LIX1L: variants seen among roughly 807,000 people sequenced by gnomAD.
The protein encoded by LIX1L is limb and CNS expressed 1 like.
A neutral mutation model predicts 34.0 loss-of-function variants in LIX1L; 20 were observed. The observed-to-expected ratio is 0.59, with a 90% CI of 0.41 to 0.85. The LOEUF (loss-of-function observed/expected upper bound fraction) is 0.85. Ranked by LOEUF, LIX1L falls within the 40% of genes least tolerant of loss-of-function variation. The pLI is 0.00. For synonymous variants in LIX1L, 170 were observed against 187.4 expected (o/e 0.91, Z 0.76); for missense variants, 397 against 447.0 (o/e 0.89, Z 1.01).
intron 1 of LIX1L, among the ~76,000 whole-genome samples, chr1:145,954,661 C>T (rs1649409345): frequency 1.3e-5 from 2 of 152,070 alleles, no homozygotes; most frequent in African/African-American, 4.8e-5. Flanking sequence ...TAGAGATTGC[C>T]AGATGTCAAA....
chr1:145,955,196 T>C (rs1180050164), intron 1 of LIX1L, among the ~76,000 whole-genome samples: 1 of 152,190 alleles, frequency 6.6e-6, no homozygotes, highest in Non-Finnish European at 1.5e-5. Context: ...GGTCCTCTGA[T>C]TACAAATCCC....
intron 2 of LIX1L, among the ~76,000 whole-genome samples, chr1:145,946,285 G>A (rs1056286254): frequency 8.8e-5 from 13 of 147,498 alleles, no homozygotes; most frequent in East Asian, 6.1e-4. Flanking sequence ...TGCAATCTCC[G>A]CCTCCAGAGT....
intron 3 of LIX1L, among the ~76,000 whole-genome samples, chr1:145,938,689 G>A (rs1648763970): frequency 6.6e-6 from 1 of 151,696 alleles, no homozygotes; most frequent in South Asian, 2.1e-4. Context: ...CTGGGTTCAA[G>A]TGATTCTCCT....
Position 145,951,198 on chromosome 1 carries a change from C to T in LIX1L, c.293-3416G>A, listed in dbSNP as rs375439048. On this transcript the variant is annotated intron_variant, in intron 1 of 5. Transcript: ENST00000604000. ...AGTAGCTGGGATTATAGGCACATGC[C>T]GCCACGCCTGGCTAATTTTTGTATT... Among the ~76,000 whole-genome samples the T allele has an allele frequency of 8.5e-5, 13 of 152,258 alleles. No homozygotes were observed. The East Asian group carries it at 1.5e-3, about 18-fold the overall frequency.
rs1648648265 is a variant in LIX1L at position 145,936,468 on chromosome 1, T to G, written c.856A>C (p.Ser286Arg). ...MALDWVSREQ[S>R]VPGALSRELA... The stretch of plus-strand genomic sequence containing the variant: ...TCTCTAGACAGTGCCCCCGGCACAC[T>G]CTGCTCCCGGCTCACCCAGTCCAAG... Residue 286 changes from serine to arginine, a missense_variant, in exon 6 of 6, where the codon AGT becomes CGT. Physicochemically the swap from Ser to Arg is moderately radical, Grantham distance 110 (BLOSUM62 -1). Around this residue, in one of 3 missense-constraint regions of LIX1L, gnomAD observed 174 missense variants for 204.0 expected, o/e 0.85. Transcript: ENST00000604000. 1.9e-6 allele frequency: 3 copies of G among 1,614,092 alleles called. No homozygotes were observed. The highest frequency in any genetic ancestry group is 2.2e-5 in the South Asian group (2 of 91,084).
chr1:145,935,338 G>A lies in LIX1L; in HGVS notation c.*972C>T, dbSNP rs1648598146. The A allele has an allele frequency of 6.6e-6, 1 of 152,230 alleles. No individual in the cohort carries two copies. The highest frequency in any genetic ancestry group is 2.1e-4 in the South Asian group (1 of 4,834). The allele number at this position is 152,230 out of a possible 1,614,324, so 9.4% of individuals were successfully genotyped here. On this transcript the variant is annotated 3_prime_UTR_variant, in exon 6 of 6. Transcript: ENST00000604000. ...TTAATGTGGAAGGAGAGGAAAGAAAGAGAAAACAAATGAGAATCTAAGGTA... is the reference window on the plus strand; with the variant it reads ...TTAATGTGGAAGGAGAGGAAAGAAAAAGAAAACAAATGAGAATCTAAGGTA...
intron 3 of LIX1L, among the ~76,000 whole-genome samples, chr1:145,941,444 G>T (rs182235826): frequency 6.6e-6 from 1 of 151,826 alleles, no homozygotes; most frequent in East Asian, 1.9e-4. Flanking sequence ...GTAGAGATGG[G>T]GTTTTGCCAT....
intron 2 of LIX1L, among the ~76,000 whole-genome samples, chr1:145,943,840 A>C (rs1435269740): frequency 6.6e-6 from 1 of 151,660 alleles, no homozygotes; most frequent in Non-Finnish European, 1.5e-5. Flanking sequence ...ATTCAAGAAT[A>C]ACCTGGGCAA....
At chr1:145,953,629 T>C (rs1217136383) in intron 1 of LIX1L, among the ~76,000 whole-genome samples, 1 of 152,186 alleles carries the variant, frequency 6.6e-6, no homozygotes, top group African/African-American at 2.4e-5. Context: ...AATGTCCATG[T>C]CTTAATCCTT....
Position 145,936,150 on chromosome 1 carries a change from G to A in LIX1L, c.*160C>T, listed in dbSNP as rs1553757741. On this transcript the variant is annotated 3_prime_UTR_variant, in exon 6 of 6. Coordinates refer to ENST00000604000, the MANE Select transcript of LIX1L (RefSeq NM_153713.3). The stretch of plus-strand genomic sequence containing the variant: ...ATCCAAAAACTGGTAGTAAGAAAAG[G>A]GATCTCTTAGCAAATAGGAATCTAG... The A allele has an allele frequency of 5.0e-6, 4 of 797,764 alleles. No individual in the cohort carries two copies. Among genetic ancestry groups the A allele is most frequent in the Non-Finnish European group, 7.6e-6 (4 of 529,598 alleles). The allele number at this position is 797,764 out of a possible 1,614,324, so 49.4% of individuals were successfully genotyped here.
At chr1:145,943,306 C>T (rs189609021) in intron 2 of LIX1L, among the ~76,000 whole-genome samples, 5 of 152,324 alleles carry the variant, frequency 3.3e-5, no homozygotes, top group Admixed American at 3.3e-4. Flanking sequence ...GCTGCTTCTA[C>T]AGAGGCCACT....
intron 3 of LIX1L, among the ~76,000 whole-genome samples, 165 bp from the exon 4 acceptor site, chr1:145,937,864 A>G (rs1648722509): frequency 6.6e-6 from 1 of 152,230 alleles, no homozygotes; most frequent in African/African-American, 2.4e-5. Context: ...GCAGTGGCTC[A>G]TGCCTGTAAT....
rs1473306945 is a variant in LIX1L, at chr1:145,933,723, C to G, written c.*2587G>C. 6.6e-6 allele frequency: 1 copy of G among 152,022 alleles called. No individual in the cohort carries two copies. The highest frequency in any genetic ancestry group is 2.4e-5 in the African/African-American group (1 of 41,384). The allele number at this position is 152,022 out of a possible 1,614,324, so 9.4% of individuals were successfully genotyped here. A position where few individuals can be genotyped will look rare whatever the true frequency, so the allele number is the denominator to read the frequency against. ...AAACAGACACACCTGGTGTGTCTAG[C>G]TGTTTTTGCCTTTACTCCAACCCGA... On this transcript the variant is annotated 3_prime_UTR_variant, in exon 6 of 6. Coordinates refer to ENST00000604000, the MANE Select transcript of LIX1L (RefSeq NM_153713.3).
At position 145,957,965 on chromosome 1, in the gene LIX1L, G is replaced by A; in HGVS notation, c.-38C>T. ...TGGAGTAGCGCCCCGGAGCCTGCCA[G>A]CCTGCCGAGCTAACGGTCCCAACCA... is the stretch of plus-strand genomic sequence containing the variant. On this transcript the variant is annotated 5_prime_UTR_variant, in exon 1 of 6. Coordinates refer to ENST00000604000, the MANE Select transcript of LIX1L (RefSeq NM_153713.3). The A allele has an allele frequency of 1.5e-6, 2 of 1,372,824 alleles. No homozygotes were observed. The highest frequency in any genetic ancestry group is 1.5e-5 in the South Asian group (1 of 65,184). 85.0% of individuals were successfully genotyped at this position (1,372,824 alleles called of 1,614,324 possible).
At position 145,948,141 on chromosome 1, in the gene LIX1L, G is replaced by C. The variant is rs1302454988; in HGVS notation, c.293-359C>G. The stretch of plus-strand genomic sequence containing the variant: ...TGTCAGCAGACCATTATCACTGCCT[G>C]ATGAAATACAAGCAGATTATTCCAC... On this transcript the variant is annotated intron_variant, in intron 1 of 5. Transcript: ENST00000604000. This position sits in a 1 kb window ranked among gnomAD's most constrained non-coding sequence, Gnocchi z 4.0. Among the ~76,000 whole-genome samples, 3 of 152,134 alleles carry C rather than the reference G, an allele frequency of 2.0e-5. No individual in the cohort carries two copies. Among genetic ancestry groups the C allele is most frequent in the African/African-American group, 7.2e-5 (3 of 41,422 alleles).
chr1:145,957,864 G>T lies in LIX1L; in HGVS notation c.64C>A (p.Arg22=). 6.8e-7 allele frequency: 1 copy of T among 1,463,336 alleles called. No homozygotes were observed. Among genetic ancestry groups the T allele is most frequent in the Non-Finnish European group, 9.0e-7 (1 of 1,109,740 alleles). The allele number at this position is 1,463,336 out of a possible 1,614,324, so 90.6% of individuals were successfully genotyped here. A position where few individuals can be genotyped will look rare whatever the true frequency, so the allele number is the denominator to read the frequency against. ...CCAGTCACTCCGGGCCGCAGCGCTC[G>T]GAGAGTGCCCCTCCCGCTGGTGCCC... is the stretch of plus-strand genomic sequence containing the variant. The part of the protein sequence containing the change: ...GVGTSGRGTL[R]ALRPGVTGAA... The change falls in exon 1 of 6, where the codon CGA becomes AGA. Residue 22 remains arginine (R), a synonymous_variant. Coordinates refer to ENST00000604000, the MANE Select transcript of LIX1L (RefSeq NM_153713.3).
In LIX1L at chr1:145,942,865, A is replaced by G. The variant is rs1648971322; in HGVS notation, c.457-12T>C. 1 of 1,613,372 alleles carries G rather than the reference A, an allele frequency of 6.2e-7. No individual in the cohort carries two copies. The highest frequency in any genetic ancestry group is 8.5e-7 in the Non-Finnish European group (1 of 1,179,558). On this transcript the variant is annotated splice_polypyrimidine_tract_variant and intron_variant, in intron 2 of 5. Transcript: ENST00000604000. ...TTTGTGGGGCAAAACTAGGCAGGGG[A>G]GAAAGAGTGAGAATATGTGTATTTG...
Position 145,935,211 on chromosome 1 carries a change from T to C in LIX1L, c.*1099A>G, listed in dbSNP as rs1648593465. ...ACACACACACACAAATAACTGATCA[T>C]TGATTCTCTTTCCCTTCCTGCAGTC... On this transcript the variant is annotated 3_prime_UTR_variant, in exon 6 of 6. Coordinates refer to ENST00000604000, the MANE Select transcript of LIX1L (RefSeq NM_153713.3). The C allele has an allele frequency of 6.6e-6, 1 of 151,644 alleles. No individual in the cohort carries two copies. Among genetic ancestry groups the C allele is most frequent in the African/African-American group, 2.4e-5 (1 of 41,230 alleles). The allele number at this position is 151,644 out of a possible 1,614,324, so 9.4% of individuals were successfully genotyped here.
rs782319037 is a variant in LIX1L, at chr1:145,957,668, C to T, written c.260G>A (p.Ser87Asn). The change falls in exon 1 of 6, where the codon AGC becomes AAC. Residue 87 changes from serine to asparagine, a missense_variant. Transcript: ENST00000604000. ...ATAGCCCTGCGTGTGCTTGGCGAAG[C>T]TCCTCACCACGGCCTCCACGGCCTC... ...LREAVEAVVRSFAKHTQGYGR... is the reference protein window; with the variant it reads ...LREAVEAVVRNFAKHTQGYGR... 1.9e-6 allele frequency: 3 copies of T among 1,541,746 alleles called. No homozygotes were observed. Among genetic ancestry groups the T allele is most frequent in the Non-Finnish European group, 2.6e-6 (3 of 1,149,660 alleles).
Sources: allele counts gnomAD v4.1 joint callset (sites outside exome capture counted in the v4.1 genomes callset), GRCh38; gene constraint gnomAD v4.1.1; regional missense constraint gnomAD v4.1.1; non-coding constraint Gnocchi (gnomAD v3.1); transcripts MANE v1.5; gene names NCBI Gene and HGNC (gene_info 2026-07-23, HGNC 2026-07-21).